TAFA2: variants seen among roughly 807,000 people sequenced by gnomAD.
The protein encoded by TAFA2 is chemokine-like protein TAFA-2.
TAFA2 carries 7 observed loss-of-function variants against 18.8 expected under a neutral mutation model. The observed-to-expected ratio is 0.37, with a 90% CI of 0.21 to 0.70. The LOEUF is 0.70. Ranked by LOEUF, TAFA2 falls within the 30% of genes least tolerant of loss-of-function variation. The pLI is 0.53. For missense variants in TAFA2, 122 were observed against 158.1 expected (o/e 0.77, Z 1.23); for synonymous variants, 60 against 54.2 (o/e 1.11, Z -0.47).
At chr12:62,096,388 A>T (rs1592332744) in intron 1 of TAFA2, among the ~76,000 whole-genome samples, 1 of 152,182 alleles carries the variant, frequency 6.6e-6, no homozygotes, top group Non-Finnish European at 1.5e-5. Flanking sequence ...GAAACTGTTT[A>T]AAAAATCTGA....
chr12:62,190,931 A>G (rs1270422317), intron 1 of TAFA2, among the ~76,000 whole-genome samples: 1 of 152,124 alleles, frequency 6.6e-6, no homozygotes, highest in African/African-American at 2.4e-5. Context: ...ACCCACTTCA[A>G]TCCTCGACCT....
intron 1 of TAFA2, among the ~76,000 whole-genome samples, chr12:62,015,484 T>G (rs1592550783): frequency 6.6e-6 from 1 of 152,202 alleles, no homozygotes; most frequent in Admixed American, 6.5e-5. Flanking sequence ...CAGTAAATGG[T>G]TTTTAAGTGG....
intron 1 of TAFA2, among the ~76,000 whole-genome samples, chr12:62,088,071 C>T (rs1868533023): frequency 6.6e-6 from 1 of 151,944 alleles, no homozygotes; most frequent in Admixed American, 6.6e-5. Flanking sequence ...CATATGGTTG[C>T]CCTAGCTATG....
At chr12:61,970,292 A>T (rs894169647) in intron 1 of TAFA2, among the ~76,000 whole-genome samples, 1 of 151,710 alleles carries the variant, frequency 6.6e-6, no homozygotes, top group African/African-American at 2.4e-5. Flanking sequence ...CACAGGGTAA[A>T]ATTTGTTAAC....
chr12:62,223,401 C>G (rs1482283146), intron 1 of TAFA2, among the ~76,000 whole-genome samples: 1 of 152,150 alleles, frequency 6.6e-6, no homozygotes. Context: ...TGGCCTAAAA[C>G]TCCTGGGCTC....
intron 1 of TAFA2, among the ~76,000 whole-genome samples, chr12:61,958,640 A>G (rs113124994): frequency 3.4e-4 from 52 of 151,814 alleles, no homozygotes; most frequent in African/African-American, 1.2e-3. Flanking sequence ...TATTCATAAC[A>G]TTTGTCTATT....
At chr12:62,187,428 A>G (rs1205228702) in intron 1 of TAFA2, among the ~76,000 whole-genome samples, 1 of 152,172 alleles carries the variant, frequency 6.6e-6, no homozygotes, top group Non-Finnish European at 1.5e-5. Flanking sequence ...GACATTCTAC[A>G]AAGTTGTTCT....
intron 1 of TAFA2, among the ~76,000 whole-genome samples, chr12:61,897,267 T>C (rs1875888570): frequency 6.6e-6 from 1 of 152,208 alleles, no homozygotes; most frequent in Admixed American, 6.5e-5. Flanking sequence ...TTCAATTTGT[T>C]TGGTTTCAGC....
At position 61,809,896 on chromosome 12, in the gene TAFA2, T is replaced by C. The variant is rs1871794597; in HGVS notation, c.107-54872A>G. Among the ~76,000 whole-genome samples, 2 of 151,270 alleles carry C rather than the reference T, an allele frequency of 1.3e-5. 1 individual carries two copies. The highest frequency in any genetic ancestry group is 4.9e-5 in the African/African-American group (2 of 40,592). On this transcript the variant is annotated intron_variant, in intron 2 of 4. Coordinates refer to ENST00000416284, the MANE Select transcript of TAFA2 (RefSeq NM_178539.5). ...ACAGTGATGTGTTTGAGACCATCAA[T>C]GTGCCAACATTTCCAGGTGGTGATT...
intron 2 of TAFA2, among the ~76,000 whole-genome samples, chr12:61,782,981 C>G (rs1223163526): frequency 6.6e-6 from 1 of 151,406 alleles, no homozygotes. Flanking sequence ...CATTTTTTTC[C>G]AGGAGGTTCC....
At chr12:61,804,145 A>G (rs1293523237) in intron 2 of TAFA2, among the ~76,000 whole-genome samples, 2 of 152,014 alleles carry the variant, frequency 1.3e-5, no homozygotes, top group African/African-American at 4.8e-5. Flanking sequence ...ATCAGTTCAC[A>G]GTTCTCATTC....
chr12:61,769,210 G>A (rs935012285), intron 2 of TAFA2, among the ~76,000 whole-genome samples: 1 of 152,006 alleles, frequency 6.6e-6, no homozygotes, highest in African/African-American at 2.4e-5. Context: ...GAGGGTCTGA[G>A]CTCAGACATA....
intron 1 of TAFA2, among the ~76,000 whole-genome samples, chr12:62,198,745 C>T (rs1472885904): frequency 1.3e-5 from 2 of 152,208 alleles, no homozygotes; most frequent in African/African-American, 4.8e-5. Context: ...ATTCATTCCA[C>T]ACAACCCAAG....
Position 62,030,896 on chromosome 12 carries a change from G to A in TAFA2, c.-2+160363C>T, listed in dbSNP as rs189068210. Among the ~76,000 whole-genome samples, 370 of 152,248 alleles carry A rather than the reference G, an allele frequency of 2.4e-3. 1 individual carries two copies. Among genetic ancestry groups the A allele is most frequent in the African/African-American group, 8.1e-3 (335 of 41,540 alleles). On this transcript the variant is annotated intron_variant, in intron 1 of 4. Transcript: ENST00000416284. Reference sequence around the variant, plus strand: ...CAGAAGTAGGAGTAACGGGTTTCTGGAGCTTCCTCTTCACCCTTAATGATG... The same window carrying A: ...CAGAAGTAGGAGTAACGGGTTTCTGAAGCTTCCTCTTCACCCTTAATGATG...
intron 1 of TAFA2, chr12:61,879,365 C>T (rs1875010198): frequency 5.4e-6 from 4 of 734,682 alleles, no homozygotes; most frequent in African/African-American, 1.8e-5. Context: ...CCACCTCTGG[C>T]CCCCGGGCCT....
intron 2 of TAFA2, among the ~76,000 whole-genome samples, chr12:61,858,076 T>C (rs2121183957): frequency 6.6e-6 from 1 of 152,290 alleles, no homozygotes; most frequent in East Asian, 1.9e-4. Flanking sequence ...TGGTTCCTGG[T>C]TTCCTGCTCA....
At chr12:61,837,985 A>G (rs1318433618) in intron 2 of TAFA2, among the ~76,000 whole-genome samples, 1 of 151,972 alleles carries the variant, frequency 6.6e-6, no homozygotes, top group Non-Finnish European at 1.5e-5. Flanking sequence ...TGCCACATCT[A>G]TTTTATGTGA....
At chr12:61,712,221 A>C (rs1387317701) in intron 4 of TAFA2, among the ~76,000 whole-genome samples, 6 of 152,092 alleles carry the variant, frequency 3.9e-5, no homozygotes, top group Admixed American at 3.9e-4. Flanking sequence ...AGCAAGTGAC[A>C]CGTCCTCTTG....
intron 1 of TAFA2, among the ~76,000 whole-genome samples, chr12:62,186,452 G>C (rs1431137588): frequency 1.3e-5 from 2 of 152,064 alleles, no homozygotes; most frequent in Non-Finnish European, 2.9e-5. Flanking sequence ...TCTTCATTTT[G>C]TCAAATTACT....
Sources: gnomAD v4.1 joint callset for allele counts (sites outside exome capture counted in the v4.1 genomes callset) on GRCh38, gnomAD v4.1.1 for gene constraint, MANE v1.5 for transcripts, NCBI Gene and HGNC (gene_info 2026-07-23, HGNC 2026-07-21) for gene names.